Variants in HEATR5A observed in about 807,000 individuals in gnomAD.
HEATR5A encodes the protein HEAT repeat containing 5A, also known as HEAT repeat-containing protein 5A.
HEATR5A carries 178 observed loss-of-function variants against 218.8 expected under a neutral mutation model. The ratio of observed to expected loss-of-function variants is 0.81; its 90% CI spans 0.72 to 0.92. HEATR5A has a LOEUF of 0.92. Ranked by LOEUF, HEATR5A falls within the 40% of genes least tolerant of loss-of-function variation. HEATR5A has a pLI of 0.00. For missense variants in HEATR5A, 2,420 were observed against 2,418.9 expected, an observed-to-expected ratio of 1.00 and a Z score of -0.01; for synonymous variants, 864 against 871.6, an observed-to-expected ratio of 0.99 and a Z score of 0.15.
At chr14:31,412,462 A>G (rs578041748) in intron 1 of HEATR5A, among the ~76,000 whole-genome samples, 1 of 151,210 alleles carries the variant, frequency 6.6e-6, no homozygotes, top group East Asian at 2.0e-4. Flanking sequence ...GCGTGGTGGC[A>G]CGTGCCTCTA....
At chr14:31,324,134 C>T (rs1006697227) in intron 23 of HEATR5A, among the ~76,000 whole-genome samples, 4 of 151,722 alleles carry the variant, frequency 2.6e-5, no homozygotes, top group Admixed American at 6.6e-5. Context: ...TTATCAATCC[C>T]CTGCAAGTAG....
At chr14:31,370,985 G>A (rs192633330) in intron 13 of HEATR5A, among the ~76,000 whole-genome samples, 39 of 152,330 alleles carry the variant, frequency 2.6e-4, no homozygotes. Flanking sequence ...GTGCTGGAGA[G>A]GGGCACACAG....
intron 13 of HEATR5A, among the ~76,000 whole-genome samples, chr14:31,365,637 G>A (rs983600910): frequency 6.6e-6 from 1 of 151,920 alleles, no homozygotes; most frequent in Non-Finnish European, 1.5e-5. Context: ...TGGGATACAG[G>A]CATGAGCCAC....
In HEATR5A at chr14:31,294,985, A is replaced by G. The variant is rs574333366; in HGVS notation, c.5620-881T>C. Among the ~76,000 whole-genome samples, 29 of 152,318 alleles carry G rather than the reference A, an allele frequency of 1.9e-4. No homozygotes were observed. In the South Asian group the frequency reaches 4.8e-3, roughly 25 times the overall value. ...GGACAGACGATAAAAGGAAATGACT[A>G]TACATCAAAGATATAAATAAACTTT... is the stretch of plus-strand genomic sequence containing the variant. On this transcript the variant is annotated intron_variant, in intron 34 of 35. Coordinates refer to ENST00000543095, the MANE Select transcript of HEATR5A (RefSeq NM_015473.4).
chr14:31,315,776 C>T lies in HEATR5A; in HGVS notation c.4212G>A (p.Trp1404Ter), dbSNP rs534212028. The T allele has an allele frequency of 7.6e-6, 12 of 1,584,068 alleles. No homozygotes were observed. The South Asian group carries it at 1.4e-4, about 18-fold the overall frequency. ...CAAATTAAGAAATACCAACCTCTGC[C>T]CAGGCTTTAAGCACAGCTAAGATCT... Reference protein sequence around the residue: ...TMEILAVLKAWAEVYIIAVQR... With the variant: ...TMEILAVLKA Residue 1404 changes from tryptophan to a stop codon, truncating the protein, a stop_gained, in exon 27 of 36, where the codon TGG becomes TGA. Transcript: ENST00000543095. LOFTEE classifies it high-confidence loss of function.
chr14:31,336,098 A>G (rs1208107066), intron 22 of HEATR5A, among the ~76,000 whole-genome samples: 1 of 150,126 alleles, frequency 6.7e-6, no homozygotes, highest in African/African-American at 2.4e-5. Context: ...CAGCCTCCTG[A>G]TTAATTAGTA....
At chr14:31,384,128 C>T (rs2030107255) in intron 9 of HEATR5A, among the ~76,000 whole-genome samples, 2 of 152,084 alleles carry the variant, frequency 1.3e-5, no homozygotes, top group Admixed American at 1.3e-4. Flanking sequence ...AAGTTATCAA[C>T]AAATAACACC....
intron 35 of HEATR5A, 126 bp from the exon 36 acceptor site, chr14:31,293,738 T>G: frequency 1.9e-6 from 2 of 1,046,726 alleles, no homozygotes; most frequent in Admixed American, 5.5e-5. Flanking sequence ...TCTTCTAAAT[T>G]AATACTAAAT....
At chr14:31,368,140 T>C (rs924815473) in intron 13 of HEATR5A, among the ~76,000 whole-genome samples, 6 of 152,154 alleles carry the variant, frequency 3.9e-5, no homozygotes, top group African/African-American at 1.4e-4. Context: ...ATTAATGTCA[T>C]TATAAAAGGG....
rs374259327 is a variant in HEATR5A, at chr14:31,321,699, T to C, written c.3788-19A>G. 2.1e-4 allele frequency: 323 copies of C among 1,513,510 alleles called. No homozygotes were observed. The highest frequency in any genetic ancestry group is 2.8e-4 in the Non-Finnish European group (314 of 1,123,302). The allele number at this position is 1,513,510 out of a possible 1,614,324, so 93.8% of individuals were successfully genotyped here. ...AAGTCATCTATAAGATTAAAAAACA[T>C]ATTGGGAGAAAAAAAGATTAGAAAA... On this transcript the variant is annotated intron_variant, in intron 24 of 35. Coordinates refer to ENST00000543095, the MANE Select transcript of HEATR5A (RefSeq NM_015473.4).
intron 21 of HEATR5A, among the ~76,000 whole-genome samples, chr14:31,340,977 T>C (rs751220583): frequency 2.0e-5 from 3 of 152,240 alleles, no homozygotes; most frequent in Non-Finnish European, 4.4e-5. Flanking sequence ...TTAAAGAGCA[T>C]GCAGTTAAAG....
chr14:31,295,227 T>G (rs1190376419), intron 34 of HEATR5A, among the ~76,000 whole-genome samples: 1 of 152,110 alleles, frequency 6.6e-6, no homozygotes, highest in African/African-American at 2.4e-5. Flanking sequence ...TATTTCACAT[T>G]CATATTACTG....
intron 26 of HEATR5A, 121 bp from the exon 27 acceptor site, chr14:31,316,070 C>A: frequency 7.1e-6 from 5 of 707,120 alleles, no homozygotes; most frequent in Non-Finnish European, 8.7e-6. Flanking sequence ...ATCGCTTGAG[C>A]CCAGGAGTTT....
chr14:31,320,633 A>AT (rs1170643161), intron 25 of HEATR5A: 3 of 672,030 alleles, frequency 4.5e-6, no homozygotes, highest in Non-Finnish European at 8.1e-6. Context: ...GGTGGTCTGC[A>AT]TTTTTTCAGT....
intron 4 of HEATR5A, 95 bp from the exon 5 acceptor site, chr14:31,395,443 C>T (rs1185566920): frequency 3.4e-6 from 2 of 582,272 alleles, no homozygotes; most frequent in East Asian, 5.7e-5. Context: ...GAAGAAATAT[C>T]CAGACTTCTC....
At chr14:31,355,146 G>GC (rs1375834143) in intron 16 of HEATR5A, among the ~76,000 whole-genome samples, 1 of 152,232 alleles carries the variant, frequency 6.6e-6, no homozygotes, top group East Asian at 1.9e-4. Flanking sequence ...AGGAGCAGTA[G>GC]CTTACACCTG....
rs1426578586 is a variant in HEATR5A, at chr14:31,398,547, T to C, written c.447+126A>G. On this transcript the variant is annotated intron_variant, in intron 4 of 35. Transcript: ENST00000543095. ...AGTGCATCACCTAGAAATATTAATT[T>C]ATGGGTACATTTATATTCATATCTA... 5.4e-6 allele frequency: 3 copies of C among 559,510 alleles called. No individual in the cohort carries two copies. The African/African-American group carries it at 5.7e-5, about 11-fold the overall frequency. 34.7% of individuals were successfully genotyped at this position (559,510 alleles called of 1,614,324 possible).
chr14:31,304,622 G>A (rs967253479), intron 32 of HEATR5A, among the ~76,000 whole-genome samples: 1 of 152,084 alleles, frequency 6.6e-6, no homozygotes, highest in African/African-American at 2.4e-5. Flanking sequence ...TCACCATGTT[G>A]GTCAGGCTGG....
intron 35 of HEATR5A, 127 bp downstream of exon 35, chr14:31,293,764 G>A: frequency 9.6e-7 from 1 of 1,045,618 alleles, no homozygotes. Context: ...CAATACTTGG[G>A]ATTAACATAA....
Sources: allele counts gnomAD v4.1 joint callset (sites outside exome capture counted in the v4.1 genomes callset), GRCh38; gene constraint gnomAD v4.1.1; transcripts MANE v1.5; gene names NCBI Gene and HGNC (gene_info 2026-07-23, HGNC 2026-07-21).